The following IL12B variants were observed in gnomAD, a reference collection of about 807,000 sequenced individuals.
IL12B encodes the protein interleukin 12B, also known as interleukin-12 subunit beta.
A neutral mutation model predicts 39.2 loss-of-function variants in IL12B; 27 were observed. The observed-to-expected ratio is 0.69, with a 90% CI of 0.51 to 0.95. IL12B has a LOEUF of 0.95. Ranked by LOEUF, IL12B falls within the 40% of genes least tolerant of loss-of-function variation. The probability of loss-of-function intolerance (pLI) is 0.00; values close to 1 mark genes in which losing one functional copy is unlikely to be tolerated. For synonymous variants in IL12B, 142 were observed against 152.1 expected (o/e 0.93, Z 0.49); for missense variants, 351 against 397.6 (o/e 0.88, Z 1.00).
intron 5 of IL12B, among the ~76,000 whole-genome samples, chr5:159,319,235 G>C (rs530899601): frequency 6.6e-6 from 1 of 152,334 alleles, no homozygotes; most frequent in Admixed American, 6.5e-5. Flanking sequence ...GGACCACCCT[G>C]TCTGTGCTAA....
chr5:159,319,340 C>G (rs1360281101), intron 5 of IL12B, among the ~76,000 whole-genome samples: 1 of 152,214 alleles, frequency 6.6e-6, no homozygotes, highest in Non-Finnish European at 1.5e-5. Context: ...TTTGTCTTTT[C>G]ATAGCTTTTG....
At chr5:159,325,883 G>C (rs1346405878) in intron 2 of IL12B, among the ~76,000 whole-genome samples, 1 of 152,172 alleles carries the variant, frequency 6.6e-6, no homozygotes, top group Non-Finnish European at 1.5e-5. Flanking sequence ...ACAGCCAACG[G>C]TCAGAATGCA....
chr5:159,324,477 A>G (rs2113032492), intron 2 of IL12B, among the ~76,000 whole-genome samples: 1 of 152,358 alleles, frequency 6.6e-6, no homozygotes. Flanking sequence ...TCAGAAATGC[A>G]AATTCTCAGC....
At chr5:159,321,470 C>T (rs998416576) in intron 4 of IL12B, among the ~76,000 whole-genome samples, 8 of 150,918 alleles carry the variant, frequency 5.3e-5, no homozygotes, top group African/African-American at 2.0e-4. Flanking sequence ...TTTACTTATA[C>T]ATATAGATTT....
chr5:159,326,663 G>A, intron 2 of IL12B, 32 bp downstream of exon 2: 1 of 1,470,390 alleles, frequency 6.8e-7, no homozygotes, highest in South Asian at 1.1e-5. Context: ...TAGAAGTGGG[G>A]CCTCCACAGA....
chr5:159,323,229 G>A lies in IL12B; in HGVS notation c.189C>T (p.Asp63=), dbSNP rs776655957. Residue 63 remains aspartate (D), a synonymous_variant, in exon 3 of 8, where the codon GAC becomes GAT. Coordinates refer to ENST00000231228, the MANE Select transcript of IL12B (RefSeq NM_002187.3). ...CAGAGCCTAAGACCTCACTGCTCTG[G>A]TCCAAGGTCCAGGTGATACCATCTT... ...PEEDGITWTL[D]QSSEVLGSGK... is the part of the protein sequence containing the mutation. 1.9e-6 allele frequency: 3 copies of A among 1,614,108 alleles called. No homozygotes were observed. Among genetic ancestry groups the A allele is most frequent in the South Asian group, 2.2e-5 (2 of 91,078 alleles).
chr5:159,320,275 T>C (rs1448819686), intron 5 of IL12B, 31 bp downstream of exon 5: 2 of 1,574,962 alleles, frequency 1.3e-6, no homozygotes, highest in African/African-American at 2.7e-5. Flanking sequence ...TATCTTTCCT[T>C]ATGGAGCACA....
intron 2 of IL12B, among the ~76,000 whole-genome samples, chr5:159,323,690 T>C (rs1584755360): frequency 6.6e-6 from 1 of 152,138 alleles, no homozygotes; most frequent in Admixed American, 6.5e-5. Context: ...TTCAGTTTCA[T>C]AGAGAATACG....
At position 159,314,909 on chromosome 5, in the gene IL12B, A is replaced by G. The variant is rs531770868; in HGVS notation, c.*1192T>C. 6.6e-6 allele frequency: 1 copy of G among 152,370 alleles called. No homozygotes were observed. The highest frequency in any genetic ancestry group is 1.5e-5 in the Non-Finnish European group (1 of 68,036). 9.4% of individuals were successfully genotyped at this position (152,370 alleles called of 1,614,324 possible). A position where few individuals can be genotyped will look rare whatever the true frequency, so the allele number is the denominator to read the frequency against. On this transcript the variant is annotated 3_prime_UTR_variant, in exon 8 of 8. Coordinates refer to ENST00000231228, the MANE Select transcript of IL12B (RefSeq NM_002187.3). ...TACATTACTTAAAAGTAGCACCTTC[A>G]TGGAGCCATATTTTCTGGTCATAAT...
At chr5:159,322,879 A>G (rs991135114) in intron 3 of IL12B, among the ~76,000 whole-genome samples, 175 bp downstream of exon 3, 2 of 152,228 alleles carry the variant, frequency 1.3e-5, no homozygotes, top group African/African-American at 4.8e-5. Context: ...TTGATAACCC[A>G]AAGGGTCCAG....
At chr5:159,319,021 G>A (rs1186361461) in intron 5 of IL12B, 128 bp from the exon 6 acceptor site, 3 of 838,236 alleles carry the variant, frequency 3.6e-6, no homozygotes, top group Non-Finnish European at 5.9e-6. Flanking sequence ...ACTTCTGTGA[G>A]CACCTGGCTG....
intron 6 of IL12B, among the ~76,000 whole-genome samples, chr5:159,317,380 TC>T (rs895111626): frequency 1.3e-5 from 2 of 152,186 alleles, no homozygotes; most frequent in African/African-American, 4.8e-5. Flanking sequence ...TAGGAAGCAC[TC>T]AATATCACCT....
At chr5:159,322,049 T>G (rs1227517697) in intron 4 of IL12B, among the ~76,000 whole-genome samples, 1 of 152,154 alleles carries the variant, frequency 6.6e-6, no homozygotes, top group African/African-American at 2.4e-5. Context: ...AGGTGCAATT[T>G]CAGCAAGTCA....
In IL12B at chr5:159,322,449, A is replaced by G; in HGVS notation, c.427T>C (p.Trp143Arg). 6.2e-7 allele frequency: 1 copy of G among 1,614,014 alleles called. No individual in the cohort carries two copies. Among genetic ancestry groups the G allele is most frequent in the South Asian group, 1.1e-5 (1 of 91,076 alleles). Residue 143 changes from tryptophan (W) to arginine (R), a missense_variant, in exon 4 of 8, where the codon TGG (tryptophan) becomes CGG (arginine). Physicochemically the swap from Trp to Arg is moderately radical, Grantham distance 101. Coordinates refer to ENST00000231228, the MANE Select transcript of IL12B (RefSeq NM_002187.3). Reference protein sequence around the residue: ...AKNYSGRFTCWWLTTISTDLT... With the variant: ...AKNYSGRFTCRWLTTISTDLT... ...TCAGTACTGATTGTCGTCAGCCACC[A>G]GCAGGTGAAACGTCCAGAATAATTC...
At chr5:159,323,381 G>T (rs772150335) in intron 2 of IL12B, 52 bp from the exon 3 acceptor site, 7 of 1,579,772 alleles carry the variant, frequency 4.4e-6, no homozygotes, top group Non-Finnish European at 5.2e-6. Flanking sequence ...GGAACTCTGG[G>T]ACTGTGTTTT....
intron 5 of IL12B, 49 bp from the exon 6 acceptor site, chr5:159,318,942 T>C (rs1489768398): frequency 6.5e-7 from 1 of 1,539,048 alleles, no homozygotes; most frequent in Middle Eastern, 2.1e-4. Context: ...GGCTTTGGAG[T>C]TCAGTGGTTT....
rs1409483647 is a variant in IL12B, at chr5:159,322,412, C to T, written c.464G>A (p.Ser155Asn). ...CACTCACCCTCTGCTGCTTTTGACA[C>T]TGAATGTCAAATCAGTACTGATTGT... ...LTTISTDLTF[S>N]VKSSRGSSDP... The change falls in exon 4 of 8, where the codon AGT becomes AAT. Residue 155 changes from serine to asparagine, a missense_variant. Physicochemically the swap from Ser to Asn is conservative, Grantham distance 46. Transcript: ENST00000231228. 4.4e-6 allele frequency: 7 copies of T among 1,606,102 alleles called. No individual in the cohort carries two copies. The East Asian group carries it at 8.9e-5, about 20-fold the overall frequency.
At position 159,326,732 on chromosome 5, in the gene IL12B, T is replaced by C. The variant is rs1584756665; in HGVS notation, c.51A>G (p.Ala17=). 8.7e-6 allele frequency: 14 copies of C among 1,612,852 alleles called. No homozygotes were observed. Among genetic ancestry groups the C allele is most frequent in the Non-Finnish European group, 1.2e-5 (14 of 1,179,494 alleles). ...GTTCCCATATGGCCACGAGGGGAGA[T>C]GCCAGAAAAACCAGGGAAAACCAAG... The part of the protein sequence containing the change: ...VISWFSLVFL[A]SPLVAIWELK... The change falls in exon 2 of 8, where the codon GCA becomes GCG. Residue 17 remains alanine, a synonymous_variant. Transcript: ENST00000231228.
At chr5:159,324,133 C>T (rs918555215) in intron 2 of IL12B, among the ~76,000 whole-genome samples, 2 of 151,796 alleles carry the variant, frequency 1.3e-5, no homozygotes, top group African/African-American at 4.8e-5. Context: ...AGCTATCTTA[C>T]ACTCTTATGA....
Sources: allele counts gnomAD v4.1 joint callset (sites outside exome capture counted in the v4.1 genomes callset), GRCh38; gene constraint gnomAD v4.1.1; transcripts MANE v1.5; gene names NCBI Gene and HGNC (gene_info 2026-07-23, HGNC 2026-07-21).